Variants in CLIC5 observed in about 807,000 individuals in gnomAD.
CLIC5 encodes CLIC family member 5.
A neutral mutation model predicts 24.7 loss-of-function variants in CLIC5; 20 were observed. The observed-to-expected ratio is 0.81, with a 90% CI of 0.57 to 1.18. The LOEUF (loss-of-function observed/expected upper bound fraction) is 1.18. Ranked by LOEUF, CLIC5 falls within the 50% of genes most tolerant of loss-of-function variation. The pLI is 0.00. For synonymous variants in CLIC5, 159 were observed against 135.6 expected (o/e 1.17, Z -1.20); for missense variants, 341 against 326.1 (o/e 1.05, Z -0.35).
intron 1 of CLIC5, among the ~76,000 whole-genome samples, chr6:45,963,964 A>C (rs987445820): frequency 6.6e-6 from 1 of 152,142 alleles, no homozygotes; most frequent in African/African-American, 2.4e-5. Flanking sequence ...TGTTTTATTT[A>C]TCTACTCTCA....
At chr6:46,037,579 A>C (rs1342225342) in intron 1 of CLIC5, among the ~76,000 whole-genome samples, 1 of 152,208 alleles carries the variant, frequency 6.6e-6, no homozygotes, top group Non-Finnish European at 1.5e-5. Context: ...TATCTTACAG[A>C]ATTATTTGGG....
upstream of CLIC5, among the ~76,000 whole-genome samples, chr6:46,083,682 G>A (rs1435836670): frequency 6.6e-6 from 1 of 152,158 alleles, no homozygotes; most frequent in African/African-American, 2.4e-5. Context: ...GCCGAGGAGA[G>A]CTTTACTTCC....
chr6:46,042,230 C>T (rs76102668), intron 1 of CLIC5, among the ~76,000 whole-genome samples: 6,675 of 152,220 alleles, frequency 0.044, 211 homozygotes, highest in Non-Finnish European at 0.071. Flanking sequence ...ATATTCTGAA[C>T]AGTTTCTTAA....
chr6:45,906,904 A>G (rs1164609179), intron 5 of CLIC5, among the ~76,000 whole-genome samples: 1 of 152,224 alleles, frequency 6.6e-6, no homozygotes, highest in Non-Finnish European at 1.5e-5. Context: ...GTTGTTTATC[A>G]GTTCCAGAAG....
chr6:45,985,986 A>G (rs1028690934), intron 1 of CLIC5, among the ~76,000 whole-genome samples: 2 of 151,888 alleles, frequency 1.3e-5, no homozygotes, highest in Admixed American at 6.6e-5. Context: ...AAGTCTTAGG[A>G]TATCTGATAG....
chr6:46,014,411 C>T (rs1766918807), intron 1 of CLIC5: 2 of 152,206 alleles, frequency 1.3e-5, no homozygotes, highest in Non-Finnish European at 2.9e-5. Flanking sequence ...CTTTTAAATT[C>T]TGCCAGGAGG....
chr6:45,963,348 G>A (rs1355885881), intron 1 of CLIC5, among the ~76,000 whole-genome samples: 1 of 152,120 alleles, frequency 6.6e-6, no homozygotes. Context: ...GTTGCATGGG[G>A]CCCCATTAAA....
At chr6:45,923,098 A>G (rs1763339938) in intron 4 of CLIC5, among the ~76,000 whole-genome samples, 1 of 152,266 alleles carries the variant, frequency 6.6e-6, no homozygotes, top group Admixed American at 6.5e-5. Context: ...AAATGATTGT[A>G]GAACCCATCG....
chr6:46,059,812 A>G (rs527643276), intron 1 of CLIC5, among the ~76,000 whole-genome samples: 2 of 149,868 alleles, frequency 1.3e-5, no homozygotes, highest in African/African-American at 4.9e-5. Context: ...GAGGAAGTGG[A>G]AGTATAATAA....
chr6:46,076,514 G>A (rs765984428), intron 1 of CLIC5, among the ~76,000 whole-genome samples: 1 of 152,310 alleles, frequency 6.6e-6, no homozygotes. Flanking sequence ...AAGAGGTGAT[G>A]TGATGTGGGC....
the CLIC5 span, among the ~76,000 whole-genome samples, chr6:46,095,315 C>A: frequency 5.9e-5 from 9 of 152,174 alleles, no homozygotes; most frequent in African/African-American, 2.2e-4. Flanking sequence ...TGCTTGAATT[C>A]TTCCCCTGAA....
intron 6 of CLIC5, among the ~76,000 whole-genome samples, chr6:45,893,148 T>C (rs1212701725): frequency 6.6e-6 from 1 of 152,134 alleles, no homozygotes; most frequent in Non-Finnish European, 1.5e-5. Context: ...CTTTTTCACA[T>C]TCATCACCTT....
At chr6:46,090,126 A>T in the CLIC5 span, among the ~76,000 whole-genome samples, 1 of 152,244 alleles carries the variant, frequency 6.6e-6, no homozygotes, top group Non-Finnish European at 1.5e-5. Flanking sequence ...GTAGGTCTGT[A>T]GAGTTAGAAA....
chr6:46,079,647 A>C (rs1437515161), intron 1 of CLIC5: 2 of 1,425,316 alleles, frequency 1.4e-6, no homozygotes, highest in Non-Finnish European at 1.9e-6. Context: ...AGCAAAATAA[A>C]ACACCAGCCA....
At chr6:45,887,825 G>A (rs1762318730) in intron 6 of CLIC5, among the ~76,000 whole-genome samples, 1 of 152,160 alleles carries the variant, frequency 6.6e-6, no homozygotes, top group African/African-American at 2.4e-5. Context: ...CTATAGAAGA[G>A]GGCTGTAAGC....
intron 4 of CLIC5, 71 bp from the exon 5 acceptor site, chr6:45,914,480 G>C (rs1762944177): frequency 7.0e-7 from 1 of 1,418,550 alleles, no homozygotes; most frequent in Admixed American, 2.4e-5. Flanking sequence ...GGTCTTCAGA[G>C]TGGAGTAGCT....
At chr6:45,969,575 G>A (rs1387220101) in intron 1 of CLIC5, among the ~76,000 whole-genome samples, 19 of 151,950 alleles carry the variant, frequency 1.3e-4, no homozygotes, top group Admixed American at 1.2e-3. Flanking sequence ...AATGGAGATG[G>A]CTGAAATCTC....
chr6:45,996,926 C>T (rs1210176418), intron 1 of CLIC5, among the ~76,000 whole-genome samples: 2 of 152,002 alleles, frequency 1.3e-5, no homozygotes, highest in Non-Finnish European at 2.9e-5. Flanking sequence ...CTAGTTCAAC[C>T]ATTGTGGAAG....
chr6:46,106,405 C>T, the CLIC5 span, among the ~76,000 whole-genome samples: 5,948 of 152,212 alleles, frequency 0.039, 149 homozygotes, highest in Non-Finnish European at 0.054. Context: ...TATGCCAGGC[C>T]AGAATCCTTG....
Sources: gnomAD v4.1 joint callset for allele counts (sites outside exome capture counted in the v4.1 genomes callset) on GRCh38, gnomAD v4.1.1 for gene constraint, MANE v1.5 for transcripts, NCBI Gene and HGNC (gene_info 2026-07-23, HGNC 2026-07-21) for gene names.